The following R3HDM2 variants were observed in gnomAD, a reference collection of about 807,000 sequenced individuals.
R3HDM2 encodes R3H domain-containing protein 2.
Under a neutral mutation model 124.5 loss-of-function variants are expected in R3HDM2, and 38 were observed. The ratio of observed to expected loss-of-function variants is 0.31; its 90% CI spans 0.24 to 0.40. R3HDM2 has a LOEUF of 0.40. Among genes scored for constraint, R3HDM2 ranks in the 10% least tolerant of loss-of-function variants. R3HDM2 has a pLI of 1.00. For synonymous variants in R3HDM2, 391 were observed against 448.0 expected (o/e 0.87, Z 1.61); for missense variants, 869 against 1,236.9 (o/e 0.70, Z 4.46).
chr12:57,338,131 C>T (rs140758651), intron 2 of R3HDM2, among the ~76,000 whole-genome samples: 7,664 of 152,182 alleles, frequency 0.05, 644 homozygotes, highest in African/African-American at 0.17. Flanking sequence ...TGGAGAAACC[C>T]TGTCTCTACT....
chr12:57,382,313 T>A (rs1338843297), intron 2 of R3HDM2, among the ~76,000 whole-genome samples: 1 of 150,800 alleles, frequency 6.6e-6, no homozygotes, highest in African/African-American at 2.4e-5. Flanking sequence ...AGTTTCACTA[T>A]GTTGTCCAGG....
intron 2 of R3HDM2, among the ~76,000 whole-genome samples, chr12:57,361,297 C>T (rs1043775702): frequency 2.0e-5 from 3 of 146,522 alleles, no homozygotes; most frequent in Admixed American, 1.4e-4. Context: ...ATCGCTGGAA[C>T]CTGTGAGGAG....
At chr12:57,352,381 A>G (rs960319270) in intron 2 of R3HDM2, among the ~76,000 whole-genome samples, 1 of 152,174 alleles carries the variant, frequency 6.6e-6, no homozygotes, top group Non-Finnish European at 1.5e-5. Context: ...TCAATATTGC[A>G]AAGTCAGTTC....
At chr12:57,377,436 C>G (rs574359339) in intron 2 of R3HDM2, among the ~76,000 whole-genome samples, 48 of 152,112 alleles carry the variant, frequency 3.2e-4, no homozygotes, top group Non-Finnish European at 5.4e-4. Flanking sequence ...AACATGGGAC[C>G]CATGAGGAGT....
At chr12:57,283,674 G>A in intron 13 of R3HDM2, 150 bp downstream of exon 13, 1 of 754,034 alleles carries the variant, frequency 1.3e-6, no homozygotes, top group Non-Finnish European at 2.2e-6. Context: ...GGGAGACAGA[G>A]GTTGCAGTGA....
At chr12:57,373,328 G>A (rs186777114) in intron 2 of R3HDM2, among the ~76,000 whole-genome samples, 5 of 151,860 alleles carry the variant, frequency 3.3e-5, no homozygotes, top group Middle Eastern at 3.4e-3. Flanking sequence ...GTGAAACCCC[G>A]TCTCTACTAA....
chr12:57,367,124 AAGGAC>A (rs2062760230), intron 2 of R3HDM2, among the ~76,000 whole-genome samples: 1 of 152,180 alleles, frequency 6.6e-6, no homozygotes, highest in Admixed American at 6.5e-5. Context: ...ATATCCTTCT[AAGGAC>A]TCTACTCAAT....
At chr12:57,319,951 G>A (rs2056038479) in intron 2 of R3HDM2, among the ~76,000 whole-genome samples, 1 of 152,000 alleles carries the variant, frequency 6.6e-6, no homozygotes, top group Non-Finnish European at 1.5e-5. Context: ...CAAAACAAAA[G>A]CAAAAGAAAG....
At chr12:57,397,172 A>G (rs1352109197) in intron 1 of R3HDM2, among the ~76,000 whole-genome samples, 1 of 152,242 alleles carries the variant, frequency 6.6e-6, no homozygotes, top group Non-Finnish European at 1.5e-5. Flanking sequence ...AGAAGCAAAA[A>G]GAGGCCAGAG....
At chr12:57,342,062 T>C (rs575596553) in intron 2 of R3HDM2, among the ~76,000 whole-genome samples, 5 of 152,334 alleles carry the variant, frequency 3.3e-5, no homozygotes, top group South Asian at 4.1e-4. Flanking sequence ...GTGTGTACTA[T>C]ACAGTTAAAT....
At chr12:57,337,928 C>T (rs1452609400) in intron 2 of R3HDM2, among the ~76,000 whole-genome samples, 1 of 152,230 alleles carries the variant, frequency 6.6e-6, no homozygotes, top group Non-Finnish European at 1.5e-5. Context: ...AAATTTTCAT[C>T]TGTCAGATAT....
At chr12:57,405,739 A>G (rs1025214915) in intron 1 of R3HDM2, among the ~76,000 whole-genome samples, 2 of 152,214 alleles carry the variant, frequency 1.3e-5, no homozygotes, top group Non-Finnish European at 2.9e-5. Flanking sequence ...CTTATTTCCT[A>G]TAGAAAACTC....
chr12:57,410,331 A>AC (rs2068897168), intron 1 of R3HDM2, among the ~76,000 whole-genome samples: 1 of 151,568 alleles, frequency 6.6e-6, no homozygotes, highest in East Asian at 1.9e-4. Context: ...AAAAAAAAAA[A>AC]AAAAAAAAAA....
chr12:57,300,208 A>AT (rs2050812450), intron 4 of R3HDM2, 27 bp from the exon 5 acceptor site: 4 of 1,516,822 alleles, frequency 2.6e-6, no homozygotes, highest in Non-Finnish European at 1.8e-6. Context: ...ACAATTTTCA[A>AT]TTTTTTTAAT....
chr12:57,257,239 G>A (rs2039334374), intron 21 of R3HDM2, among the ~76,000 whole-genome samples: 1 of 152,090 alleles, frequency 6.6e-6, no homozygotes, highest in Non-Finnish European at 1.5e-5. Context: ...AGACTGCCTG[G>A]GTTAAAATAG....
Position 57,299,403 on chromosome 12 carries a change from C to T in R3HDM2, c.370G>A (p.Glu124Lys), listed in dbSNP as rs947221411. The change falls in exon 6 of 24, where the codon GAA becomes AAA. Residue 124 changes from glutamate (E) to lysine (K), a missense_variant. Coordinates refer to ENST00000402412, the MANE Select transcript of R3HDM2 (RefSeq NM_001394031.1). Reference protein sequence around the residue: ...EKSTKDVSEKEDKDKNKEKIP... With the variant: ...EKSTKDVSEKKDKDKNKEKIP... The stretch of plus-strand genomic sequence containing the variant: ...TTTTCTTTGTTTTTGTCCTTGTCTT[C>T]CTTTTCAGAGACATCTTTTGTGGAC... 6.5e-7 allele frequency: 1 copy of T among 1,547,444 alleles called. No homozygotes were observed. Among genetic ancestry groups the T allele is most frequent in the Non-Finnish European group, 8.7e-7 (1 of 1,142,870 alleles).
chr12:57,362,438 T>A (rs936749155), intron 2 of R3HDM2, among the ~76,000 whole-genome samples: 3 of 152,254 alleles, frequency 2.0e-5, no homozygotes, highest in African/African-American at 7.2e-5. Flanking sequence ...TTTAATCAAC[T>A]GTTTATGGTT....
chr12:57,269,477 G>A (rs2043139872), intron 15 of R3HDM2, 28 bp from the exon 16 acceptor site: 1 of 1,609,834 alleles, frequency 6.2e-7, no homozygotes, highest in East Asian at 2.2e-5. Context: ...AGATGTGTGA[G>A]AAGTCCCTAA....
intron 2 of R3HDM2, among the ~76,000 whole-genome samples, chr12:57,371,381 C>T (rs887988203): frequency 3.3e-5 from 5 of 151,990 alleles, no homozygotes; most frequent in Admixed American, 6.6e-5. Flanking sequence ...AAAGAAACAT[C>T]AGTTCTGATG....
Sources: allele counts gnomAD v4.1 joint callset (sites outside exome capture counted in the v4.1 genomes callset), GRCh38; gene constraint gnomAD v4.1.1; transcripts MANE v1.5; gene names NCBI Gene and HGNC (gene_info 2026-07-23, HGNC 2026-07-21).